Variants in NCOA7 observed in about 807,000 individuals in gnomAD.
The protein encoded by NCOA7 is 140 kDa estrogen receptor-associated protein.
A neutral mutation model predicts 104.3 loss-of-function variants in NCOA7; 45 were observed. The ratio of observed to expected loss-of-function variants is 0.43; its 90% CI spans 0.34 to 0.55. NCOA7 has a LOEUF of 0.55. Among genes scored for constraint, NCOA7 ranks in the 20% least tolerant of loss-of-function variants. The probability of loss-of-function intolerance (pLI) is 0.02; values close to 1 mark genes in which losing one functional copy is unlikely to be tolerated. For missense variants in NCOA7, 1,041 were observed against 1,119.7 expected, an observed-to-expected ratio of 0.93 and a Z score of 1.00; for synonymous variants, 398 against 402.3, an observed-to-expected ratio of 0.99 and a Z score of 0.13.
chr6:125,928,799 TA>T lies in NCOA7; in HGVS notation c.*33del, dbSNP rs765489322. 3 of 1,601,982 alleles carry T rather than the reference TA, an allele frequency of 1.9e-6. No individual in the cohort carries two copies. Among genetic ancestry groups the T allele is most frequent in the Non-Finnish European group, 2.6e-6 (3 of 1,176,100 alleles). ...TTCAGACTGCCTTAAAATATAACAT[TA>T]AAAAGACTGGGTTCGATCAGCCCTC... On this transcript the variant is annotated 3_prime_UTR_variant, in exon 16 of 16. Transcript: ENST00000392477.
chr6:125,919,527 G>T, intron 11 of NCOA7: 1 of 1,223,640 alleles, frequency 8.2e-7, no homozygotes, highest in South Asian at 1.3e-5. Flanking sequence ...AATTAGAAAG[G>T]ATTGTGCTGA....
At chr6:125,784,780 G>T (rs1774381086) in intron 1 of NCOA7, among the ~76,000 whole-genome samples, 1 of 152,256 alleles carries the variant, frequency 6.6e-6, no homozygotes. Context: ...GAGGAAAAAA[G>T]CCAATCTAAA....
Position 125,882,562 on chromosome 6 carries a change from A to G in NCOA7, c.699+11A>G, listed in dbSNP as rs764632450. 3.1e-6 allele frequency: 5 copies of G among 1,607,448 alleles called. No homozygotes were observed. Among genetic ancestry groups the G allele is most frequent in the Non-Finnish European group, 4.2e-6 (5 of 1,177,162 alleles). On this transcript the variant is annotated intron_variant, in intron 7 of 15. Transcript: ENST00000392477. The stretch of plus-strand genomic sequence containing the variant: ...TTCACCGATGGAAAGGTATATAGCA[A>G]TGTAATTTGTTTCCTTTCCTTGAAA...
chr6:125,925,084 T>A (rs1387278299), intron 13 of NCOA7, among the ~76,000 whole-genome samples: 1 of 152,162 alleles, frequency 6.6e-6, no homozygotes, highest in Non-Finnish European at 1.5e-5. Flanking sequence ...TTGCACCAGA[T>A]GAGGCAAGCC....
At chr6:125,852,752 G>A (rs1781230977) in intron 2 of NCOA7, among the ~76,000 whole-genome samples, 1 of 152,028 alleles carries the variant, frequency 6.6e-6, no homozygotes, top group Non-Finnish European at 1.5e-5. Context: ...TCTTTATTCT[G>A]TTCCATTGCA....
chr6:125,805,538 T>C (rs2128558006), intron 1 of NCOA7, among the ~76,000 whole-genome samples: 1 of 152,334 alleles, frequency 6.6e-6, no homozygotes, highest in Non-Finnish European at 1.5e-5. Flanking sequence ...ATTCTGGCTG[T>C]AACTCTTATG....
At position 125,888,921 on chromosome 6, in the gene NCOA7, C is replaced by T. The variant is rs1395706345; in HGVS notation, c.885-18C>T. ...ATTTTTAACATTCCATGTGCACCCACCATTTCTCCCCCAACAGTGACCTAC... is the reference window on the plus strand; with the variant it reads ...ATTTTTAACATTCCATGTGCACCCATCATTTCTCCCCCAACAGTGACCTAC... On this transcript the variant is annotated intron_variant, in intron 8 of 15. Coordinates refer to ENST00000392477, the MANE Select transcript of NCOA7 (RefSeq NM_181782.5). 2 of 1,557,392 alleles carry T rather than the reference C, an allele frequency of 1.3e-6. No individual in the cohort carries two copies. Among genetic ancestry groups the T allele is most frequent in the Non-Finnish European group, 1.7e-6 (2 of 1,151,824 alleles).
intron 1 of NCOA7, among the ~76,000 whole-genome samples, chr6:125,813,568 C>A (rs1025327248): frequency 6.6e-6 from 1 of 151,774 alleles, no homozygotes; most frequent in African/African-American, 2.4e-5. Context: ...TCTCCTGCCT[C>A]AGCCTCCCAA....
At chr6:125,781,879 T>G (rs1774241787) in intron 1 of NCOA7, among the ~76,000 whole-genome samples, 1 of 152,230 alleles carries the variant, frequency 6.6e-6, no homozygotes, top group Non-Finnish European at 1.5e-5. Context: ...CTTTTTGGTT[T>G]CGAAACATGT....
chr6:125,878,652 G>A (rs1783578906), intron 5 of NCOA7, among the ~76,000 whole-genome samples: 1 of 152,070 alleles, frequency 6.6e-6, no homozygotes, highest in Admixed American at 6.6e-5. Context: ...TGGGATTACA[G>A]ACATGAGCCA....
chr6:125,899,848 C>G, intron 10 of NCOA7: 1 of 354,928 alleles, frequency 2.8e-6, no homozygotes, highest in Non-Finnish European at 6.5e-6. Context: ...TAATCATTCA[C>G]TCTACAGTCA....
At chr6:125,887,471 A>G (rs985751744) in intron 8 of NCOA7, among the ~76,000 whole-genome samples, 11 of 152,244 alleles carry the variant, frequency 7.2e-5, no homozygotes, top group African/African-American at 2.2e-4. Context: ...TTCAGAATAT[A>G]GCACTTAGGG....
chr6:125,804,031 G>A (rs368745572), intron 1 of NCOA7, among the ~76,000 whole-genome samples: 2 of 151,954 alleles, frequency 1.3e-5, no homozygotes, highest in African/African-American at 4.8e-5. Context: ...TTTACTGTGA[G>A]CACAGGGCCC....
intron 3 of NCOA7, among the ~76,000 whole-genome samples, chr6:125,858,903 A>G (rs1781820046): frequency 6.6e-6 from 1 of 152,146 alleles, no homozygotes; most frequent in Non-Finnish European, 1.5e-5. Context: ...TAGATGGAGC[A>G]TCAGACCTCA....
intron 10 of NCOA7, among the ~76,000 whole-genome samples, chr6:125,905,344 C>T (rs1396379426): frequency 1.3e-5 from 2 of 150,170 alleles, no homozygotes; most frequent in Non-Finnish European, 3.0e-5. Flanking sequence ...GCAACCTATG[C>T]CTCCGGGGTT....
chr6:125,928,079 G>T (rs1188561766), intron 14 of NCOA7, 95 bp from the exon 15 acceptor site: 7 of 1,152,254 alleles, frequency 6.1e-6, no homozygotes, highest in South Asian at 1.3e-5. Context: ...GGGGTGAGGT[G>T]GTTCCCTTTT....
intron 1 of NCOA7, among the ~76,000 whole-genome samples, chr6:125,801,049 A>G (rs575358959): frequency 2.2e-4 from 34 of 152,332 alleles, no homozygotes; most frequent in Non-Finnish European, 4.1e-4. Flanking sequence ...AAGAAATAAC[A>G]TAAAGAAAAT....
At chr6:125,804,277 C>A (rs1776204318) in intron 1 of NCOA7, among the ~76,000 whole-genome samples, 3 of 152,170 alleles carry the variant, frequency 2.0e-5, no homozygotes, top group Admixed American at 6.5e-5. Context: ...CTTTCCATGT[C>A]TCCTGTTTAT....
At chr6:125,792,946 A>G (rs1307884052) in intron 1 of NCOA7, among the ~76,000 whole-genome samples, 1 of 152,166 alleles carries the variant, frequency 6.6e-6, no homozygotes, top group Non-Finnish European at 1.5e-5. Flanking sequence ...GCATGCTCCC[A>G]GGTTTTCTTT....
Sources: gnomAD v4.1 joint callset for allele counts (sites outside exome capture counted in the v4.1 genomes callset) on GRCh38, gnomAD v4.1.1 for gene constraint, MANE v1.5 for transcripts, NCBI Gene and HGNC (gene_info 2026-07-23, HGNC 2026-07-21) for gene names.